FANCD2: variants seen among roughly 807,000 people sequenced by gnomAD.
FANCD2 encodes Fanconi anemia group D2 protein.
In FANCD2, 131 loss-of-function variants were observed where a neutral mutation model predicts 192.3. The observed-to-expected ratio is 0.68, with a 90% CI of 0.59 to 0.79. The LOEUF (loss-of-function observed/expected upper bound fraction) is 0.79, where lower values mean the gene tolerates loss of function less well. FANCD2 is among the 30% of genes least tolerant of loss of function. The pLI, the probability that FANCD2 is intolerant of heterozygous loss-of-function variation, is 0.00. For missense variants in FANCD2, 1,508 were observed against 1,701.6 expected, an observed-to-expected ratio of 0.89 and a Z score of 2.00; for synonymous variants, 524 against 612.5, an observed-to-expected ratio of 0.86 and a Z score of 2.13.
At chr3:10,095,088 G>A in intron 40 of FANCD2, 112 bp from the exon 41 acceptor site, 1 of 862,898 alleles carries the variant, frequency 1.2e-6, no homozygotes, top group Non-Finnish European at 1.9e-6. Flanking sequence ...TATCAGCATA[G>A]GCTGGAAACT....
intron 18 of FANCD2, among the ~76,000 whole-genome samples, chr3:10,059,868 T>A (rs2087514695): frequency 6.6e-6 from 1 of 151,608 alleles, no homozygotes; most frequent in Non-Finnish European, 1.5e-5. Flanking sequence ...AGAGATGAAT[T>A]GACTTGCTAA....
chr3:10,065,243 C>T (rs771323964), intron 23 of FANCD2, 151 bp from the exon 24 acceptor site: 15 of 672,992 alleles, frequency 2.2e-5, no homozygotes, highest in African/African-American at 1.6e-4. Context: ...GAGCTGAGAT[C>T]GTGCCACTGC....
rs370024653 is a variant in FANCD2 at position 10,064,057 on chromosome 3, G to C, written c.1947+146G>C. On this transcript the variant is annotated intron_variant, in intron 21 of 43. Transcript: ENST00000675286. ...GGGAAAGGCTTTTCTGCCCTACCCT[G>C]TCTCACGGCTCTTCTCTGAGGGCTC... is the stretch of plus-strand genomic sequence containing the variant. 93 of 1,105,184 alleles carry C rather than the reference G, an allele frequency of 8.4e-5. 2 individuals are homozygous for C. In the South Asian group the frequency reaches 1.1e-3, roughly 13 times the overall value. 68.5% of individuals were successfully genotyped at this position (1,105,184 alleles called of 1,614,324 possible).
intron 38 of FANCD2, 97 bp from the exon 39 acceptor site, chr3:10,093,188 T>C: frequency 1.2e-6 from 1 of 868,882 alleles, no homozygotes; most frequent in South Asian, 1.3e-5. Flanking sequence ...TAGAATTCTC[T>C]GCAGCACCCA....
Position 10,043,547 on chromosome 3 carries a change from G to A in FANCD2, c.1053G>A (p.Lys351=), listed in dbSNP as rs777306543. 2 of 1,613,864 alleles carry A rather than the reference G, an allele frequency of 1.2e-6. No individual in the cohort carries two copies. Among genetic ancestry groups the A allele is most frequent in the Non-Finnish European group, 1.7e-6 (2 of 1,179,788 alleles). The change falls in exon 13 of 44, where the codon AAG becomes AAA. Residue 351 remains lysine, a synonymous_variant. Coordinates refer to ENST00000675286, the MANE Select transcript of FANCD2 (RefSeq NM_001018115.3). ...TTATTCTCCTCTTTGATGTAATAAAGTCAGCTATTAGATATGAGAAAACCA... is the reference window on the plus strand; with the variant it reads ...TTATTCTCCTCTTTGATGTAATAAAATCAGCTATTAGATATGAGAAAACCA... The part of the protein sequence containing the change: ...SCIILLFDVI[K]SAIRYEKTIS...
Position 10,067,255 on chromosome 3 carries a change from A to C in FANCD2, c.2432A>C (p.Lys811Thr), listed in dbSNP as rs199563234. The change falls in exon 26 of 44, where the codon AAG (lysine) becomes ACG (threonine). Residue 811 changes from lysine to threonine, a missense_variant. Transcript: ENST00000675286. ...GAAACATCACCTGAGATGAAGGGGA[A>C]GGTGCTCACTCGGTTAAAGCACATT... ...CQETSPEMKG[K>T]VLTRLKHIVE... is the part of the protein sequence containing the mutation. 3.7e-6 allele frequency: 6 copies of C among 1,613,908 alleles called. No homozygotes were observed. In the Admixed American group the frequency reaches 6.7e-5, roughly 18 times the overall value.
At position 10,039,308 on chromosome 3, in the gene FANCD2, G is replaced by A. The variant is rs41291203; in HGVS notation, c.521G>A (p.Arg174Gln). The change falls in exon 8 of 44, where the codon CGA (arginine) becomes CAA (glutamine). Residue 174 changes from arginine to glutamine, a missense_variant. By Grantham distance (43) the Arg-to-Gln change is conservative (BLOSUM62 1). Coordinates refer to ENST00000675286, the MANE Select transcript of FANCD2 (RefSeq NM_001018115.3). ...NKNSDEINIP[R>Q]LIVSQLKWLD... ...AACAGTGATGAAATCAACATACCTCGACTCATTGTCAGTCAACTAAAATGG... is the reference window on the plus strand; with the variant it reads ...AACAGTGATGAAATCAACATACCTCAACTCATTGTCAGTCAACTAAAATGG... 1.7e-5 allele frequency: 28 copies of A among 1,613,768 alleles called. No individual in the cohort carries two copies. The highest frequency in any genetic ancestry group is 1.7e-4 in the Middle Eastern group (1 of 6,056).
chr3:10,055,970 C>T (rs1575776802), intron 18 of FANCD2, among the ~76,000 whole-genome samples: 1 of 152,164 alleles, frequency 6.6e-6, no homozygotes. Context: ...CCTCTGCCTC[C>T]TGGGTTCAAG....
At chr3:10,066,122 C>T in intron 25 of FANCD2, 143 bp downstream of exon 25, 1 of 668,942 alleles carries the variant, frequency 1.5e-6, no homozygotes, top group Non-Finnish European at 2.7e-6. Flanking sequence ...CCACCACTCC[C>T]CAGTTATATG....
chr3:10,061,254 C>T (rs1280295296), intron 19 of FANCD2, among the ~76,000 whole-genome samples: 7 of 152,218 alleles, frequency 4.6e-5, no homozygotes, highest in African/African-American at 1.7e-4. Flanking sequence ...CCAGTGCTTT[C>T]TTGCAACGTA....
At chr3:10,041,202 AAAAC>A (rs1049349498) in intron 9 of FANCD2, 17 of 231,674 alleles carry the variant, frequency 7.3e-5, no homozygotes, top group South Asian at 2.3e-4. Context: ...CCTGTCTCAA[AAAAC>A]AAACAAACAA....
At chr3:10,057,598 C>T (rs1015987188) in intron 18 of FANCD2, among the ~76,000 whole-genome samples, 1 of 152,106 alleles carries the variant, frequency 6.6e-6, no homozygotes, top group Non-Finnish European at 1.5e-5. Flanking sequence ...CTCTTAACCT[C>T]ATGATCTGCC....
At chr3:10,078,610 T>A (rs1693660044) in intron 30 of FANCD2, among the ~76,000 whole-genome samples, 3 of 147,942 alleles carry the variant, frequency 2.0e-5, no homozygotes, top group Non-Finnish European at 4.5e-5. Context: ...CACCTTGGCC[T>A]CCCAAAGTGC....
intron 14 of FANCD2, among the ~76,000 whole-genome samples, chr3:10,046,022 G>A (rs2086995453): frequency 2.0e-5 from 3 of 148,146 alleles, no homozygotes; most frequent in Admixed American, 6.7e-5. Context: ...TACTTCTGTA[G>A]TAATATCACT....
At chr3:10,075,040 T>C (rs1693459255) in intron 29 of FANCD2, among the ~76,000 whole-genome samples, 1 of 152,218 alleles carries the variant, frequency 6.6e-6, no homozygotes, top group Admixed American at 6.5e-5. Flanking sequence ...TGACAGTTGC[T>C]TACTGAGTCC....
chr3:10,062,029 T>C, intron 19 of FANCD2, 122 bp from the exon 20 acceptor site: 1 of 622,782 alleles, frequency 1.6e-6, no homozygotes, highest in Non-Finnish European at 2.9e-6. Context: ...AAATGACGAG[T>C]TAATGGGTGC....
At position 10,032,888 on chromosome 3, in the gene FANCD2, G is replaced by C. The variant is rs758983789; in HGVS notation, c.121G>C (p.Val41Leu). 1 of 1,611,240 alleles carries C rather than the reference G, an allele frequency of 6.2e-7. No individual in the cohort carries two copies. The highest frequency in any genetic ancestry group is 1.3e-5 in the African/African-American group (1 of 74,846). Residue 41 changes from valine (V) to leucine (L), a missense_variant, in exon 3 of 44, where the codon GTT (valine) becomes CTT (leucine). Transcript: ENST00000675286. ...KTKKSHIANEVEENDSIFVKL... is the reference protein window; with the variant it reads ...KTKKSHIANELEENDSIFVKL... ...AAAGAAATCTCATATTGCTAATGAA[G>C]TTGAAGAAAATGACAGCATCTTTGT...
Position 10,090,302 on chromosome 3 carries a change from G to T in FANCD2, c.3694G>T (p.Val1232Phe). 6.2e-7 allele frequency: 1 copy of T among 1,613,386 alleles called. No individual in the cohort carries two copies. The highest frequency in any genetic ancestry group is 1.1e-5 in the South Asian group (1 of 91,048). ...TFPTLTRHTF[V>F]VFFRVMMAEL... ...TTTCCCGTCTTCTAGGCATACTTTT[G>T]TTGTTTTCTTCCGTGTGATGATGGC... Residue 1232 changes from valine (V) to phenylalanine (F), a missense_variant, in exon 37 of 44, where the codon GTT becomes TTT. Coordinates refer to ENST00000675286, the MANE Select transcript of FANCD2 (RefSeq NM_001018115.3).
intron 1 of FANCD2, among the ~76,000 whole-genome samples, chr3:10,027,000 T>C (rs2086469036): frequency 6.6e-6 from 1 of 152,222 alleles, no homozygotes; most frequent in African/African-American, 2.4e-5. Context: ...ATCCCAGTTC[T>C]GCCCGTGATG....
Sources: allele counts gnomAD v4.1 joint callset (sites outside exome capture counted in the v4.1 genomes callset), GRCh38; gene constraint gnomAD v4.1.1; transcripts MANE v1.5; gene names NCBI Gene and HGNC (gene_info 2026-07-23, HGNC 2026-07-21).